Variants in TINAGL1 observed in about 807,000 individuals in gnomAD.
TINAGL1 encodes tubulointerstitial nephritis antigen-like.
TINAGL1 carries 34 observed loss-of-function variants against 62.0 expected under a neutral mutation model. The observed-to-expected ratio is 0.55, with a 90% CI of 0.42 to 0.73. The LOEUF is 0.73. Among genes scored for constraint, TINAGL1 ranks in the 30% least tolerant of loss-of-function variants. The probability of loss-of-function intolerance (pLI) is 0.00; values close to 1 mark genes in which losing one functional copy is unlikely to be tolerated. For synonymous variants in TINAGL1, 221 were observed against 249.7 expected, an observed-to-expected ratio of 0.88 and a Z score of 1.08; for missense variants, 516 against 653.2, an observed-to-expected ratio of 0.79 and a Z score of 2.29.
Position 31,577,265 on chromosome 1 carries a change from C to T in TINAGL1, c.117C>T (p.Gly39=), listed in dbSNP as rs1639002242. The change falls in exon 2 of 12, where the codon GGC becomes GGT. Residue 39 remains glycine (G), a synonymous_variant. Coordinates refer to ENST00000271064, the MANE Select transcript of TINAGL1 (RefSeq NM_022164.3). The surrounding 1 kb of genome is among the most constrained non-coding windows in gnomAD (Gnocchi z 5.4). The stretch of plus-strand genomic sequence containing the variant: ...TAGCACCGGGTCTGCACCTGCGGGG[C>T]ATCCGGGACGCGGGAGGCCGGTACT... The part of the protein sequence containing the change: ...RELAPGLHLR[G]IRDAGGRYCQ... 1.9e-6 allele frequency: 3 copies of T among 1,611,606 alleles called. No homozygotes were observed. Among genetic ancestry groups the T allele is most frequent in the Middle Eastern group, 1.7e-4 (1 of 6,056 alleles).
Position 31,583,591 on chromosome 1 carries a change from C to T in TINAGL1, c.582+16C>T, listed in dbSNP as rs1039084591. ...TGAAATTTATGTAAGTCCATCCTTC[C>T]CCACAATGCTGCCATCTCCCCATGG... On this transcript the variant is annotated intron_variant, in intron 5 of 11. Coordinates refer to ENST00000271064, the MANE Select transcript of TINAGL1 (RefSeq NM_022164.3). This position sits in a 1 kb window ranked among gnomAD's most constrained non-coding sequence, Gnocchi z 4.4. 8.1e-6 allele frequency: 13 copies of T among 1,598,320 alleles called. No homozygotes were observed. The African/African-American group carries it at 1.6e-4, about 20-fold the overall frequency.
intron 2 of TINAGL1, among the ~76,000 whole-genome samples, chr1:31,578,890 GTGTGTGTGATA>G: frequency 6.8e-6 from 1 of 146,286 alleles, no homozygotes; most frequent in Middle Eastern, 3.5e-3. Flanking sequence ...GTGTGTGTGT[GTGTGTGTGATA>G]TCTTCAGTTA....
At chr1:31,579,958 C>T (rs1405836361) in intron 3 of TINAGL1, 10 of 185,850 alleles carry the variant, frequency 5.4e-5, no homozygotes, top group Non-Finnish European at 9.1e-5. Flanking sequence ...ATGCATTGCG[C>T]ATAAGATATT....
chr1:31,585,605 GT>G lies in TINAGL1; in HGVS notation c.1093+121del. 6.5e-7 allele frequency: 1 copy of G among 1,539,008 alleles called. No individual in the cohort carries two copies. The highest frequency in any genetic ancestry group is 8.8e-7 in the Non-Finnish European group (1 of 1,138,102). On this transcript the variant is annotated intron_variant, in intron 9 of 11. Transcript: ENST00000271064. The surrounding 1 kb of genome is among the most constrained non-coding windows in gnomAD (Gnocchi z 4.3). The stretch of plus-strand genomic sequence containing the variant: ...ATGTCCAGTAGGGCCAGGAGTAGGG[GT>G]CCCCCCCTCCCACAGGCAGCACCTG...
intron 3 of TINAGL1, among the ~76,000 whole-genome samples, chr1:31,582,150 C>T (rs1045697667): frequency 1.3e-5 from 2 of 152,128 alleles, no homozygotes; most frequent in Non-Finnish European, 2.9e-5. Flanking sequence ...GGCAACATAG[C>T]AAAACCCCAT....
In TINAGL1 at chr1:31,577,497, C is replaced by A; in HGVS notation, c.310+39C>A. On this transcript the variant is annotated intron_variant, in intron 2 of 11. Transcript: ENST00000271064. The surrounding 1 kb of genome is among the most constrained non-coding windows in gnomAD (Gnocchi z 5.4). Reference sequence around the variant, plus strand: ...TGGCCAGGAGGGTGGGTCACTTTGTCCACCTCAGACTCAGCAAGGCTCAAG... The same window carrying A: ...TGGCCAGGAGGGTGGGTCACTTTGTACACCTCAGACTCAGCAAGGCTCAAG... The A allele has an allele frequency of 6.4e-7, 1 of 1,566,100 alleles. No individual in the cohort carries two copies. Among genetic ancestry groups the A allele is most frequent in the South Asian group, 1.2e-5 (1 of 83,020 alleles).
chr1:31,586,295 G>A (rs926453291), intron 10 of TINAGL1: 9 of 332,248 alleles, frequency 2.7e-5, no homozygotes, highest in Admixed American at 1.4e-4. Flanking sequence ...TGTGCTTTAC[G>A]GTGGGAATTG....
Position 31,577,371 on chromosome 1 carries a change from C to T in TINAGL1, c.223C>T (p.Leu75Phe). 1 of 1,614,040 alleles carries T rather than the reference C, an allele frequency of 6.2e-7. No homozygotes were observed. The highest frequency in any genetic ancestry group is 2.2e-5 in the East Asian group (1 of 44,884). Residue 75 changes from leucine to phenylalanine, a missense_variant, in exon 2 of 12, where the codon CTC becomes TTC. Coordinates refer to ENST00000271064, the MANE Select transcript of TINAGL1 (RefSeq NM_022164.3). The surrounding 1 kb of genome is among the most constrained non-coding windows in gnomAD (Gnocchi z 5.4). Reference protein sequence around the residue: ...PYLGAICYCDLFCNRTVSDCC... With the variant: ...PYLGAICYCDFFCNRTVSDCC... Reference sequence around the variant, plus strand: ...CCTGGGCGCCATCTGTTACTGTGACCTCTTCTGCAACCGCACGGTCTCCGA... The same window carrying T: ...CCTGGGCGCCATCTGTTACTGTGACTTCTTCTGCAACCGCACGGTCTCCGA...
In TINAGL1 at chr1:31,587,175, C is replaced by T; in HGVS notation, c.*196C>T. The T allele has an allele frequency of 1.3e-6, 1 of 789,498 alleles. No homozygotes were observed. Among genetic ancestry groups the T allele is most frequent in the Non-Finnish European group, 1.7e-6 (1 of 574,486 alleles). 48.9% of individuals were successfully genotyped at this position (789,498 alleles called of 1,614,324 possible). On this transcript the variant is annotated 3_prime_UTR_variant, in exon 12 of 12. Coordinates refer to ENST00000271064, the MANE Select transcript of TINAGL1 (RefSeq NM_022164.3). ...CGCGGGCAGGCGAGACTGGCGGAGCCCCCAGACCTCCCAGTGGGGACGGGG... is the reference window on the plus strand; with the variant it reads ...CGCGGGCAGGCGAGACTGGCGGAGCTCCCAGACCTCCCAGTGGGGACGGGG...
At chr1:31,580,889 T>TG (rs1424839400) in intron 3 of TINAGL1, 1 of 656,462 alleles carries the variant, frequency 1.5e-6, no homozygotes, top group African/African-American at 2.0e-5. Context: ...TAGTGTAAGG[T>TG]GAAGGGCATG....
intron 10 of TINAGL1, 184 bp downstream of exon 10, chr1:31,586,060 C>G: frequency 1.3e-6 from 1 of 748,690 alleles, no homozygotes; most frequent in Non-Finnish European, 2.0e-6. Context: ...GGTTGGGAGC[C>G]TCTGAAGGCT....
At position 31,584,463 on chromosome 1, in the gene TINAGL1, C is replaced by T. The variant is rs920596973; in HGVS notation, c.583-215C>T. The T allele has an allele frequency of 1.3e-4, 78 of 613,722 alleles. 1 individual carries two copies. The highest frequency in any genetic ancestry group is 9.4e-5 in the Admixed American group (3 of 31,824). The allele number at this position is 613,722 out of a possible 1,614,324, so 38.0% of individuals were successfully genotyped here. A position where few individuals can be genotyped will look rare whatever the true frequency, so the allele number is the denominator to read the frequency against. On this transcript the variant is annotated intron_variant, in intron 5 of 11. Transcript: ENST00000271064. The surrounding 1 kb of genome is among the most constrained non-coding windows in gnomAD (Gnocchi z 4.0). ...AGGACTAGTCACCACCGCCACCCCG[C>T]CCCGCCCCACCACCTGATACCTGGG...
chr1:31,581,680 T>C (rs1639249220), intron 3 of TINAGL1, among the ~76,000 whole-genome samples: 1 of 152,162 alleles, frequency 6.6e-6, no homozygotes, highest in Non-Finnish European at 1.5e-5. Flanking sequence ...ATAGTAGATA[T>C]TAATTCTGAG....
In TINAGL1 at chr1:31,586,963, A is replaced by G. The variant is rs1158623170; in HGVS notation, c.1388A>G (p.Asp463Gly). 6.6e-7 allele frequency: 1 copy of G among 1,523,232 alleles called. No homozygotes were observed. The highest frequency in any genetic ancestry group is 2.2e-5 in the Admixed American group (1 of 44,478). The allele number at this position is 1,523,232 out of a possible 1,614,324, so 94.4% of individuals were successfully genotyped here. ...LGVWGRVGME[D>G]MGHH ...GTCTGGGGCCGCGTGGGCATGGAGG[A>G]CATGGGTCATCACTGAGGCTGCGGG... Residue 463 changes from aspartate (D) to glycine (G), a missense_variant, in exon 12 of 12, where the codon GAC (aspartate) becomes GGC (glycine). Asp to Gly is a moderately conservative substitution (Grantham distance 94, BLOSUM62 -1). Transcript: ENST00000271064.
chr1:31,584,496 A>G lies in TINAGL1; in HGVS notation c.583-182A>G, dbSNP rs1639332670. 1 of 918,488 alleles carries G rather than the reference A, an allele frequency of 1.1e-6. No individual in the cohort carries two copies. The highest frequency in any genetic ancestry group is 1.6e-6 in the Non-Finnish European group (1 of 608,424). 56.9% of individuals were successfully genotyped at this position (918,488 alleles called of 1,614,324 possible). Reference sequence around the variant, plus strand: ...CACCACCTGATACCTGGGAGGCACTAAATGGTGCTTGGTTCTTCAACACAA... The same window carrying G: ...CACCACCTGATACCTGGGAGGCACTGAATGGTGCTTGGTTCTTCAACACAA... On this transcript the variant is annotated intron_variant, in intron 5 of 11. Transcript: ENST00000271064. The surrounding 1 kb of genome is among the most constrained non-coding windows in gnomAD (Gnocchi z 4.0).
chr1:31,581,706 C>G (rs571159648), intron 3 of TINAGL1, among the ~76,000 whole-genome samples: 1 of 152,252 alleles, frequency 6.6e-6, no homozygotes, highest in African/African-American at 2.4e-5. Context: ...AATGATGGAC[C>G]AGGCCCAGTG....
Position 31,579,222 on chromosome 1 carries a change from G to C in TINAGL1, c.329G>C (p.Arg110Pro), listed in dbSNP as rs375784700. 66 of 1,613,946 alleles carry C rather than the reference G, an allele frequency of 4.1e-5. No homozygotes were observed. Among genetic ancestry groups the C allele is most frequent in the Middle Eastern group, 1.6e-4 (1 of 6,062 alleles). The stretch of plus-strand genomic sequence containing the variant: ...CCAACAGGATGTATGCATGGAGGTC[G>C]TATCTATCCAGTCTTGGGAACGTAC... ...PPIQGCMHGG[R>P]IYPVLGTYWD... Residue 110 changes from arginine (R) to proline (P), a missense_variant, in exon 3 of 12, where the codon CGT becomes CCT. Coordinates refer to ENST00000271064, the MANE Select transcript of TINAGL1 (RefSeq NM_022164.3).
chr1:31,587,115 GC>G lies in TINAGL1; in HGVS notation c.*137del. On this transcript the variant is annotated 3_prime_UTR_variant, in exon 12 of 12. Coordinates refer to ENST00000271064, the MANE Select transcript of TINAGL1 (RefSeq NM_022164.3). ...CGGGCGCCAGGGCGCTAATCCCGGC[GC>G]GGGTTCCGCTGACGCAGCGCCCCGC... 1 of 1,266,292 alleles carries G rather than the reference GC, an allele frequency of 7.9e-7. No homozygotes were observed. 78.4% of individuals were successfully genotyped at this position (1,266,292 alleles called of 1,614,324 possible). A position where few individuals can be genotyped will look rare whatever the true frequency, so the allele number is the denominator to read the frequency against.
chr1:31,586,682 C>G, intron 10 of TINAGL1, 28 bp from the exon 11 acceptor site: 1 of 1,555,800 alleles, frequency 6.4e-7, no homozygotes, highest in South Asian at 1.2e-5. Context: ...GACCCAGCTC[C>G]CTTCCCCCTC....
Sources: gnomAD v4.1 joint callset for allele counts (sites outside exome capture counted in the v4.1 genomes callset) on GRCh38, gnomAD v4.1.1 for gene constraint, Gnocchi (gnomAD v3.1) non-coding constraint, MANE v1.5 for transcripts, NCBI Gene and HGNC (gene_info 2026-07-23, HGNC 2026-07-21) for gene names.